LRP10: variants seen among roughly 807,000 people sequenced by gnomAD.
LRP10 encodes the protein LDL receptor related protein 10.
In LRP10, 42 loss-of-function variants were observed where a neutral mutation model predicts 58.5. The observed-to-expected ratio is 0.72, with a 90% CI of 0.56 to 0.93. The LOEUF (loss-of-function observed/expected upper bound fraction) is 0.93. Ranked by LOEUF, LRP10 falls within the 40% of genes least tolerant of loss-of-function variation. The probability of loss-of-function intolerance (pLI) is 0.00; values close to 1 mark genes in which losing one functional copy is unlikely to be tolerated. For missense variants in LRP10, 872 were observed against 940.1 expected (o/e 0.93, Z 0.95); for synonymous variants, 377 against 388.5 (o/e 0.97, Z 0.35).
intron 1 of LRP10, 138 bp downstream of exon 1, chr14:22,872,475 C>T: frequency 2.9e-6 from 3 of 1,036,488 alleles, no homozygotes; most frequent in Admixed American, 4.2e-5. Flanking sequence ...ACTGCCGGCC[C>T]CAACCCCCAG....
At chr14:22,873,003 C>T (rs2039971875) in intron 2 of LRP10, 3 of 612,816 alleles carry the variant, frequency 4.9e-6, no homozygotes, top group South Asian at 2.0e-5. Context: ...GCTTGATCGT[C>T]CTAACCAGGA....
chr14:22,879,285 G>A lies in LRP10; in HGVS notation c.*1758G>A, dbSNP rs979877952. Reference sequence around the variant, plus strand: ...TGGCACCTTGGCTCAGGGAAGACCCGAGCTCCTTTCACTGCAGACCCTCTC... The same window carrying A: ...TGGCACCTTGGCTCAGGGAAGACCCAAGCTCCTTTCACTGCAGACCCTCTC... On this transcript the variant is annotated 3_prime_UTR_variant, in exon 7 of 7. Coordinates refer to ENST00000359591, the MANE Select transcript of LRP10 (RefSeq NM_014045.5). 40 of 450,706 alleles carry A rather than the reference G, an allele frequency of 8.9e-5. No individual in the cohort carries two copies. The highest frequency in any genetic ancestry group is 3.3e-4 in the Middle Eastern group (1 of 3,066). 27.9% of individuals were successfully genotyped at this position (450,706 alleles called of 1,614,324 possible). A position where few individuals can be genotyped will look rare whatever the true frequency, so the allele number is the denominator to read the frequency against.
At position 22,872,321 on chromosome 14, in the gene LRP10, C is replaced by G; in HGVS notation, c.18C>G (p.Leu6=). 1.2e-6 allele frequency: 2 copies of G among 1,612,604 alleles called. No homozygotes were observed. The highest frequency in any genetic ancestry group is 1.7e-6 in the Non-Finnish European group (2 of 1,178,790). The change falls in exon 1 of 7, where the codon CTC becomes CTG. Residue 6 remains leucine (L), a synonymous_variant. Transcript: ENST00000359591. Reference sequence around the variant, plus strand: ...AGCCCAGGATGCTGTTGGCCACCCTCCTCCTCCTCCTCCTTGGTAAGAACC... The same window carrying G: ...AGCCCAGGATGCTGTTGGCCACCCTGCTCCTCCTCCTCCTTGGTAAGAACC... The part of the protein sequence containing the change: MLLAT[L]LLLLLGGALA...
At position 22,876,365 on chromosome 14, in the gene LRP10, G is replaced by C; in HGVS notation, c.1417G>C (p.Glu473Gln). ...TCKLYAIRTQ[E>Q]YSIFAPLSRM... is the part of the protein sequence containing the mutation. ...CAAGCTCTATGCCATTCGCACCCAG[G>C]AGTACAGGTCAGTGGGAGTGGGGCT... is the stretch of plus-strand genomic sequence containing the variant. The change falls in exon 5 of 7, where the codon GAG becomes CAG. Residue 473 changes from glutamate to glutamine, a missense_variant. Transcript: ENST00000359591. 6.2e-7 allele frequency: 1 copy of C among 1,613,630 alleles called. No individual in the cohort carries two copies. Among genetic ancestry groups the C allele is most frequent in the South Asian group, 1.1e-5 (1 of 91,068 alleles).
Position 22,873,350 on chromosome 14 carries a change from G to A in LRP10, c.119G>A (p.Gly40Asp). 6.2e-7 allele frequency: 1 copy of A among 1,614,072 alleles called. No homozygotes were observed. Among genetic ancestry groups the A allele is most frequent in the African/African-American group, 1.3e-5 (1 of 74,994 alleles). Residue 40 changes from glycine (G) to aspartate (D), a missense_variant, in exon 3 of 7, where the codon GGC becomes GAC. Gly to Asp is a moderately conservative substitution (Grantham distance 94). Coordinates refer to ENST00000359591, the MANE Select transcript of LRP10 (RefSeq NM_014045.5). ...CCAGCAGTGCTCTTAGAAGTGCAGGGCACCTTACAGAGGCCCCTGGTCCGG... is the reference window on the plus strand; with the variant it reads ...CCAGCAGTGCTCTTAGAAGTGCAGGACACCTTACAGAGGCCCCTGGTCCGG... ...DPPAVLLEVQ[G>D]TLQRPLVRDS...
rs779323309 is a variant in LRP10, at chr14:22,877,105, C to T, written c.1720C>T (p.Arg574Trp). 6 of 1,613,284 alleles carry T rather than the reference C, an allele frequency of 3.7e-6. No homozygotes were observed. Among genetic ancestry groups the T allele is most frequent in the East Asian group, 4.5e-5 (2 of 44,886 alleles). Residue 574 changes from arginine (R) to tryptophan (W), a missense_variant, in exon 7 of 7, where the codon CGG (arginine) becomes TGG (tryptophan). Arg to Trp is a moderately radical substitution (Grantham distance 101). Coordinates refer to ENST00000359591, the MANE Select transcript of LRP10 (RefSeq NM_014045.5). The surrounding 1 kb of genome is among the most constrained non-coding windows in gnomAD (Gnocchi z 5.1). ...GLLPRTNTPA[R>W]ASEARSQVTP... ...GCTCCCTCGAACCAACACCCCGGCT[C>T]GGGCCTCTGAGGCCAGATCCCAGGT...
Position 22,877,379 on chromosome 14 carries a change from G to T in LRP10, c.1994G>T (p.Ser665Ile). 6.2e-7 allele frequency: 1 copy of T among 1,613,768 alleles called. No individual in the cohort carries two copies. The highest frequency in any genetic ancestry group is 8.5e-7 in the Non-Finnish European group (1 of 1,179,862). Reference sequence around the variant, plus strand: ...GCCCTGCGAGGCCGCCTGTTGCCCAGCCTGGGGCCCCCAGGACCAACCCGG... The same window carrying T: ...GCCCTGCGAGGCCGCCTGTTGCCCATCCTGGGGCCCCCAGGACCAACCCGG... ...VQALRGRLLP[S>I]LGPPGPTRSP... The change falls in exon 7 of 7, where the codon AGC becomes ATC. Residue 665 changes from serine (S) to isoleucine (I), a missense_variant. Physicochemically the swap from Ser to Ile is moderately radical, Grantham distance 142. Coordinates refer to ENST00000359591, the MANE Select transcript of LRP10 (RefSeq NM_014045.5). The surrounding 1 kb of genome is among the most constrained non-coding windows in gnomAD (Gnocchi z 5.1).
In LRP10 at chr14:22,879,048, C is replaced by T. The variant is rs975853289; in HGVS notation, c.*1521C>T. On this transcript the variant is annotated 3_prime_UTR_variant, in exon 7 of 7. Transcript: ENST00000359591. ...CTCAGGCTCTCCTTGTCTAGCCCCA[C>T]ACCTGGCAGAGCCTGTCACCCAGCC... 1.1e-5 allele frequency: 4 copies of T among 375,266 alleles called. No homozygotes were observed. Among genetic ancestry groups the T allele is most frequent in the Admixed American group, 2.8e-5 (1 of 35,576 alleles). 23.2% of individuals were successfully genotyped at this position (375,266 alleles called of 1,614,324 possible).
Position 22,875,673 on chromosome 14 carries a change from GC to G in LRP10, c.726del (p.Phe243LeufsTer75). 1 of 1,614,156 alleles carries G rather than the reference GC, an allele frequency of 6.2e-7. No homozygotes were observed. The highest frequency in any genetic ancestry group is 1.7e-5 in the Admixed American group (1 of 60,022). The stretch of plus-strand genomic sequence containing the variant: ...GTGCGCTTCACAGCCCTGGACTTGG[GC>G]TTTGGAGATGCAGTGCATGTGTATG... ...LAVRFTALDLGFGDAVHVYDG... is the reference protein window; with the variant it reads ...LAVRFTALDLXFGDAVHVYDG... On this transcript the variant is annotated frameshift_variant, in exon 5 of 7. Coordinates refer to ENST00000359591, the MANE Select transcript of LRP10 (RefSeq NM_014045.5). LOFTEE classifies it high-confidence loss of function.
Position 22,871,901 on chromosome 14 carries a change from C to G in LRP10, c.-403C>G, listed in dbSNP as rs1022638226. On this transcript the variant is annotated 5_prime_UTR_variant, in exon 1 of 7. Transcript: ENST00000359591. The stretch of plus-strand genomic sequence containing the variant: ...AGCAGCACCCGGCCGGCCCTGGGGG[C>G]TGACAGTCGGCAAAGTTTGGCCCGA... 8 of 280,152 alleles carry G rather than the reference C, an allele frequency of 2.9e-5. No homozygotes were observed. The highest frequency in any genetic ancestry group is 1.4e-4 in the African/African-American group (6 of 43,178). 17.4% of individuals were successfully genotyped at this position (280,152 alleles called of 1,614,324 possible).
rs762313178 is a variant in LRP10 at position 22,875,862 on chromosome 14, G to A, written c.914G>A (p.Arg305Gln). The change falls in exon 5 of 7, where the codon CGG (arginine) becomes CAG (glutamine). Residue 305 changes from arginine to glutamine, a missense_variant. Coordinates refer to ENST00000359591, the MANE Select transcript of LRP10 (RefSeq NM_014045.5). ...GGCTTCAATGCCACCTACCATGTGC[G>A]GGGCTATTGCTTGCCTTGGGACAGA... ...GRGFNATYHV[R>Q]GYCLPWDRPC... 52 of 1,613,674 alleles carry A rather than the reference G, an allele frequency of 3.2e-5. No individual in the cohort carries two copies. The highest frequency in any genetic ancestry group is 1.6e-4 in the Middle Eastern group (1 of 6,084).
intron 5 of LRP10, 81 bp from the exon 6 acceptor site, chr14:22,876,608 G>A (rs2040008618): frequency 6.5e-7 from 1 of 1,549,084 alleles, no homozygotes; most frequent in Non-Finnish European, 8.8e-7. Flanking sequence ...CCCGGGTGTG[G>A]AAGTGGGAGG....
In LRP10 at chr14:22,877,452, C is replaced by T. The variant is rs144502939; in HGVS notation, c.2067C>T (p.Asp689=). Residue 689 remains aspartate (D), a synonymous_variant, in exon 7 of 7, where the codon GAC becomes GAT. Transcript: ENST00000359591. The surrounding 1 kb of genome is among the most constrained non-coding windows in gnomAD (Gnocchi z 5.1). ...HTAVLALEDE[D]DVLLVPLAEP... ...CAGTCCTGGCCCTGGAAGATGAGGA[C>T]GATGTGCTACTGGTGCCACTGGCTG... The T allele has an allele frequency of 2.4e-5, 39 of 1,613,274 alleles. 1 individual carries two copies. The highest frequency in any genetic ancestry group is 3.1e-5 in the Non-Finnish European group (37 of 1,179,868).
chr14:22,879,291 C>G lies in LRP10; in HGVS notation c.*1764C>G, dbSNP rs1005175785. 1 of 448,566 alleles carries G rather than the reference C, an allele frequency of 2.2e-6. No homozygotes were observed. Among genetic ancestry groups the G allele is most frequent in the Non-Finnish European group, 4.5e-6 (1 of 220,964 alleles). The allele number at this position is 448,566 out of a possible 1,614,324, so 27.8% of individuals were successfully genotyped here. A position where few individuals can be genotyped will look rare whatever the true frequency, so the allele number is the denominator to read the frequency against. On this transcript the variant is annotated 3_prime_UTR_variant, in exon 7 of 7. Coordinates refer to ENST00000359591, the MANE Select transcript of LRP10 (RefSeq NM_014045.5). ...CTTGGCTCAGGGAAGACCCGAGCTC[C>G]TTTCACTGCAGACCCTCTCCAGAGA...
rs1479657230 is a variant in LRP10, at chr14:22,880,054, AAT to A, written c.*2528_*2529del. On this transcript the variant is annotated 3_prime_UTR_variant, in exon 7 of 7. Transcript: ENST00000359591. ...AGCATGAGATAGGGTTCAGGCTGTGAATCAGAGTCTAGAGCCTAAGATAAAAG... is the reference window on the plus strand; with the variant it reads ...AGCATGAGATAGGGTTCAGGCTGTGACAGAGTCTAGAGCCTAAGATAAAAG... The A allele has an allele frequency of 6.6e-6, 1 of 152,248 alleles. No individual in the cohort carries two copies. The highest frequency in any genetic ancestry group is 1.5e-5 in the Non-Finnish European group (1 of 68,078). 9.4% of individuals were successfully genotyped at this position (152,248 alleles called of 1,614,324 possible). A position where few individuals can be genotyped will look rare whatever the true frequency, so the allele number is the denominator to read the frequency against.
rs1292211326 is a variant in LRP10 at position 22,876,696 on chromosome 14, G to GC, written c.1438dup (p.Leu480ProfsTer7). On this transcript the variant is annotated frameshift_variant, in exon 6 of 7. Coordinates refer to ENST00000359591, the MANE Select transcript of LRP10 (RefSeq NM_014045.5). LOFTEE classifies it high-confidence loss of function. The stretch of plus-strand genomic sequence containing the variant: ...AGTCCTCATTCCTTCTAGCATCTTT[G>GC]CCCCCCTCTCCCGGATGGAGGCTGA... 6 of 1,613,408 alleles carry GC rather than the reference G, an allele frequency of 3.7e-6. No individual in the cohort carries two copies. Among genetic ancestry groups the GC allele is most frequent in the African/African-American group, 2.7e-5 (2 of 74,886 alleles).
intron 2 of LRP10, 165 bp from the exon 3 acceptor site, chr14:22,873,146 C>T: frequency 1.3e-6 from 1 of 772,820 alleles, no homozygotes; most frequent in Middle Eastern, 4.0e-4. Flanking sequence ...AGAGAAAGAG[C>T]GAAGCTAGAA....
chr14:22,873,279 C>CT (rs1298714417), intron 2 of LRP10, 32 bp from the exon 3 acceptor site: 1 of 1,601,760 alleles, frequency 6.2e-7, no homozygotes, highest in African/African-American at 1.3e-5. Context: ...AAGGGGCTGT[C>CT]TACTACCCGT....
chr14:22,875,637 G>C lies in LRP10; in HGVS notation c.689G>C (p.Arg230Pro), dbSNP rs779997098. ...TGGCTGCTGGACCCCCATGATGGCCGGCGGCTGGCCGTGCGCTTCACAGCC... is the reference window on the plus strand; with the variant it reads ...TGGCTGCTGGACCCCCATGATGGCCCGCGGCTGGCCGTGCGCTTCACAGCC... Reference protein sequence around the residue: ...CHWLLDPHDGRRLAVRFTALD... With the variant: ...CHWLLDPHDGPRLAVRFTALD... The change falls in exon 5 of 7, where the codon CGG becomes CCG. Residue 230 changes from arginine (R) to proline (P), a missense_variant. Arg to Pro is a moderately radical substitution (Grantham distance 103). Coordinates refer to ENST00000359591, the MANE Select transcript of LRP10 (RefSeq NM_014045.5). 1 of 1,614,106 alleles carries C rather than the reference G, an allele frequency of 6.2e-7. No individual in the cohort carries two copies. The highest frequency in any genetic ancestry group is 8.5e-7 in the Non-Finnish European group (1 of 1,180,026).
Sources: allele counts gnomAD v4.1 joint callset, GRCh38; gene constraint gnomAD v4.1.1; non-coding constraint Gnocchi (gnomAD v3.1); transcripts MANE v1.5; gene names NCBI Gene and HGNC (gene_info 2026-07-23, HGNC 2026-07-21).